The following COL28A1 variants were observed in gnomAD, a reference collection of about 807,000 sequenced individuals.
COL28A1 encodes the protein collagen type XXVIII alpha 1 chain.
COL28A1 carries 161 observed loss-of-function variants against 150.2 expected under a neutral mutation model. The observed-to-expected ratio is 1.07, with a 90% confidence interval of 0.94 to 1.22. COL28A1 has a LOEUF of 1.22. Among genes scored for constraint, COL28A1 ranks in the 50% most tolerant of loss-of-function variants. The pLI, the probability that COL28A1 is intolerant of heterozygous loss-of-function variation, is 0.00. For missense variants in COL28A1, 1,617 were observed against 1,388.3 expected (o/e 1.16, Z -2.62); for synonymous variants, 552 against 469.7 (o/e 1.18, Z -2.26).
intron 27 of COL28A1, among the ~76,000 whole-genome samples, chr7:7,390,305 C>T (rs913439385): frequency 2.6e-5 from 4 of 152,114 alleles, no homozygotes; most frequent in East Asian, 3.9e-4. Context: ...ACTTGATTTG[C>T]GTATGTTGAA....
chr7:7,392,212 GATTTT>G (rs1412937225), intron 27 of COL28A1, among the ~76,000 whole-genome samples: 1 of 152,116 alleles, frequency 6.6e-6, no homozygotes, highest in African/African-American at 2.4e-5. Flanking sequence ...GTCTGTAAAG[GATTTT>G]ATTTCTCCTT....
chr7:7,477,659 G>A (rs187840062), intron 13 of COL28A1, among the ~76,000 whole-genome samples: 6 of 152,332 alleles, frequency 3.9e-5, no homozygotes, highest in African/African-American at 1.4e-4. Context: ...CAGGAGTGAA[G>A]CTGCAGACCT....
chr7:7,338,673 T>C, the COL28A1 span, among the ~76,000 whole-genome samples: 3 of 152,144 alleles, frequency 2.0e-5, no homozygotes, highest in Non-Finnish European at 4.4e-5. Flanking sequence ...TTGGATGCCT[T>C]TTACTTCCTT....
chr7:7,517,795 C>A lies in COL28A1; in HGVS notation c.855+1G>T. 6.2e-7 allele frequency: 1 copy of A among 1,613,708 alleles called. No homozygotes were observed. Among genetic ancestry groups the A allele is most frequent in the Non-Finnish European group, 8.5e-7 (1 of 1,179,670 alleles). ...GGAAGGCATTCCAGTTGTGTACATA[C>A]CCCTGGACCTCTTTCTCCAGCTTCT... is the stretch of plus-strand genomic sequence containing the variant. On this transcript the variant is annotated splice_donor_variant, in intron 7 of 34. Coordinates refer to ENST00000399429, the MANE Select transcript of COL28A1 (RefSeq NM_001037763.3). LOFTEE classifies it high-confidence loss of function.
upstream of COL28A1, among the ~76,000 whole-genome samples, chr7:7,536,720 C>T (rs945261633): frequency 1.3e-5 from 2 of 152,128 alleles, no homozygotes; most frequent in Admixed American, 6.6e-5. Flanking sequence ...GTGCATGTTA[C>T]GGTTATTTAA....
At chr7:7,393,365 A>C (rs1215736256) in intron 27 of COL28A1, among the ~76,000 whole-genome samples, 1 of 152,204 alleles carries the variant, frequency 6.6e-6, no homozygotes, top group African/African-American at 2.4e-5. Flanking sequence ...ACCAGATGCC[A>C]GACAGAGCTC....
chr7:7,387,709 C>G (rs1782271437), intron 27 of COL28A1, among the ~76,000 whole-genome samples: 1 of 151,910 alleles, frequency 6.6e-6, no homozygotes, highest in Admixed American at 6.6e-5. Flanking sequence ...TTTTGCAAGT[C>G]TGAAATTATT....
chr7:7,533,710 G>A (rs1262689127), intron 1 of COL28A1, among the ~76,000 whole-genome samples: 1 of 152,086 alleles, frequency 6.6e-6, no homozygotes, highest in Non-Finnish European at 1.5e-5. Context: ...ATCTAATTCT[G>A]TATTAAAATC....
chr7:7,463,692 C>A lies in COL28A1; in HGVS notation c.1303-7580G>T, dbSNP rs146950976. On this transcript the variant is annotated intron_variant, in intron 15 of 34. Transcript: ENST00000399429. ...AGGAGCTCTAAATCTTGAAAGAAATCCTGGAAACACATCAAAACAGAAACT... is the reference window on the plus strand; with the variant it reads ...AGGAGCTCTAAATCTTGAAAGAAATACTGGAAACACATCAAAACAGAAACT... Among the ~76,000 whole-genome samples, 293 of 152,224 alleles carry A rather than the reference C, an allele frequency of 1.9e-3. 2 individuals are homozygous for A. The highest frequency in any genetic ancestry group is 6.5e-3 in the African/African-American group (268 of 41,532).
At chr7:7,506,202 C>A in intron 10 of COL28A1, 135 bp from the exon 11 acceptor site, 2 of 592,464 alleles carry the variant, frequency 3.4e-6, no homozygotes, top group South Asian at 2.2e-5. Flanking sequence ...AAATCACATT[C>A]AATCGAGAAG....
intron 25 of COL28A1, 22 bp downstream of exon 25, chr7:7,432,451 G>A (rs761141242): frequency 3.7e-5 from 59 of 1,608,780 alleles, no homozygotes; most frequent in Middle Eastern, 1.7e-4. Context: ...AAGCTAGTAC[G>A]TTGCCTACTT....
At chr7:7,508,909 C>T (rs952415114) in intron 9 of COL28A1, among the ~76,000 whole-genome samples, 1 of 152,204 alleles carries the variant, frequency 6.6e-6, no homozygotes, top group Non-Finnish European at 1.5e-5. Context: ...TCTCGGTCCA[C>T]TGCAACCTCT....
At chr7:7,344,934 C>T in the COL28A1 span, among the ~76,000 whole-genome samples, 3 of 151,894 alleles carry the variant, frequency 2.0e-5, no homozygotes, top group South Asian at 2.1e-4. Flanking sequence ...GTTATTACAG[C>T]GCAAGATCAA....
chr7:7,474,200 A>G (rs971861041), intron 15 of COL28A1, among the ~76,000 whole-genome samples: 2 of 151,790 alleles, frequency 1.3e-5, no homozygotes, highest in Non-Finnish European at 2.9e-5. Context: ...ATAGAAAACA[A>G]AACATTGTAT....
At chr7:7,428,905 T>C (rs1359319791) in intron 25 of COL28A1, among the ~76,000 whole-genome samples, 1 of 152,234 alleles carries the variant, frequency 6.6e-6, no homozygotes, top group African/African-American at 2.4e-5. Flanking sequence ...TAACCACTGA[T>C]GTTGCAGGGA....
In COL28A1 at chr7:7,373,539, C is replaced by G. The variant is rs773903260; in HGVS notation, c.2367G>C (p.Gly789=). The G allele has an allele frequency of 6.2e-7, 1 of 1,607,232 alleles. No homozygotes were observed. The highest frequency in any genetic ancestry group is 1.7e-5 in the Admixed American group (1 of 59,812). The part of the protein sequence containing the change: ...IKLITEICGC[G]PKCKETPLEL... ...CTAGTGGAGTCTCTTTGCATTTGGG[C>G]CCACAACCTAAAAGATGAATGTTGA... The change falls in exon 32 of 35, where the codon GGG becomes GGC. Residue 789 remains glycine (G), a synonymous_variant. Coordinates refer to ENST00000399429, the MANE Select transcript of COL28A1 (RefSeq NM_001037763.3). This position sits in a 1 kb window ranked among gnomAD's most constrained non-coding sequence, Gnocchi z 4.1.
chr7:7,467,824 C>A (rs1788158320), intron 15 of COL28A1, among the ~76,000 whole-genome samples: 1 of 141,308 alleles, frequency 7.1e-6, no homozygotes, highest in South Asian at 2.3e-4. Context: ...CGCTCAACTA[C>A]ATGGAAACTG....
intron 27 of COL28A1, among the ~76,000 whole-genome samples, chr7:7,396,233 C>A (rs936298058): frequency 6.6e-6 from 1 of 152,176 alleles, no homozygotes; most frequent in African/African-American, 2.4e-5. Flanking sequence ...GATCCTAATT[C>A]TCCTACTGTA....
rs781625066 is a variant in COL28A1 at position 7,531,633 on chromosome 7, G to A, written c.396C>T (p.Phe132=). The A allele has an allele frequency of 1.9e-6, 3 of 1,604,242 alleles. No homozygotes were observed. The highest frequency in any genetic ancestry group is 1.7e-5 in the Admixed American group (1 of 59,982). Residue 132 remains phenylalanine (F), a synonymous_variant, in exon 3 of 35, where the codon TTC becomes TTT. Coordinates refer to ENST00000399429, the MANE Select transcript of COL28A1 (RefSeq NM_001037763.3). Reference sequence around the variant, plus strand: ...TGGCATTGGAAATGGCATAATAAGAGAAGGTACCTTGCCCTATTAAATTCA... The same window carrying A: ...TGGCATTGGAAATGGCATAATAAGAAAAGGTACCTTGCCCTATTAAATTCA... ...KSMNLIGQGT[F]SYYAISNATR... is the part of the protein sequence containing the mutation.
Sources: allele counts gnomAD v4.1 joint callset (sites outside exome capture counted in the v4.1 genomes callset), GRCh38; gene constraint gnomAD v4.1.1; non-coding constraint Gnocchi (gnomAD v3.1); transcripts MANE v1.5; gene names NCBI Gene and HGNC (gene_info 2026-07-23, HGNC 2026-07-21).